The following CCDC7 variants were observed in gnomAD, a reference collection of about 807,000 sequenced individuals.
CCDC7 encodes coiled-coil domain containing 7.
Under a neutral mutation model 196.9 loss-of-function variants are expected in CCDC7, and 183 were observed. That is an observed-to-expected ratio of 0.93 (90% CI 0.82 to 1.05). CCDC7 has a LOEUF of 1.05. CCDC7 is among the 50% of genes least tolerant of loss of function. The pLI is 0.00. For synonymous variants in CCDC7, 525 were observed against 484.6 expected, an observed-to-expected ratio of 1.08 and a Z score of -1.10; for missense variants, 1,540 against 1,482.2, an observed-to-expected ratio of 1.04 and a Z score of -0.64.
chr10:32,593,056 A>G (rs1349011805), intron 18 of CCDC7, among the ~76,000 whole-genome samples: 1 of 152,204 alleles, frequency 6.6e-6, no homozygotes, highest in East Asian at 1.9e-4. Flanking sequence ...TCCTTTGGGT[A>G]TATACCCAGT....
chr10:32,676,943 C>G (rs1174527486), intron 21 of CCDC7, among the ~76,000 whole-genome samples: 3 of 152,224 alleles, frequency 2.0e-5, no homozygotes, highest in Middle Eastern at 3.4e-3. Flanking sequence ...CGGCACTATT[C>G]ACAATACAAA....
At chr10:32,531,709 A>G (rs989260120) in intron 11 of CCDC7, among the ~76,000 whole-genome samples, 1 of 152,112 alleles carries the variant, frequency 6.6e-6, no homozygotes, top group African/African-American at 2.4e-5. Context: ...GAGACTTTCT[A>G]TTACACCTTG....
intron 14 of CCDC7, among the ~76,000 whole-genome samples, chr10:32,566,885 C>A (rs574157639): frequency 1.4e-5 from 2 of 142,664 alleles, no homozygotes; most frequent in South Asian, 2.2e-4. Flanking sequence ...ATATATATAG[C>A]TAATATATAT....
chr10:32,666,737 G>A (rs1565042518), intron 21 of CCDC7, among the ~76,000 whole-genome samples: 2 of 152,048 alleles, frequency 1.3e-5, no homozygotes, highest in Non-Finnish European at 2.9e-5. Context: ...ATTATTCCAT[G>A]GTGTATATGT....
upstream of CCDC7, among the ~76,000 whole-genome samples, chr10:32,446,939 TTCCCTTCCTCCCTCCCTCCC>T (rs1305778772): frequency 1.2e-3 from 57 of 45,876 alleles, no homozygotes; most frequent in Middle Eastern, 0.011. Context: ...CCTTCCCCTC[TTCCCTTCCTCCCTCCCTCCC>T]TCCCTCCCTC....
chr10:32,711,785 C>T, intron 25 of CCDC7, 55 bp downstream of exon 26: 1 of 1,084,064 alleles, frequency 9.2e-7, no homozygotes, highest in Non-Finnish European at 1.3e-6. Flanking sequence ...CTCAAAAGAA[C>T]TTTTTTCTTT....
At chr10:32,669,682 A>T (rs898683244) in intron 21 of CCDC7, among the ~76,000 whole-genome samples, 1 of 152,062 alleles carries the variant, frequency 6.6e-6, no homozygotes, top group Non-Finnish European at 1.5e-5. Flanking sequence ...TATTCATAGT[A>T]GTCTCTCATG....
At chr10:32,771,494 G>A (rs974624136) in intron 28 of CCDC7, among the ~76,000 whole-genome samples, 4 of 152,174 alleles carry the variant, frequency 2.6e-5, no homozygotes, top group African/African-American at 9.7e-5. Flanking sequence ...TGAGAAATCT[G>A]CTGTTAGTCT....
chr10:32,659,494 A>G (rs2070756886), intron 20 of CCDC7, among the ~76,000 whole-genome samples: 1 of 152,244 alleles, frequency 6.6e-6, no homozygotes, highest in Non-Finnish European at 1.5e-5. Flanking sequence ...GTTCAGTTCT[A>G]GAACACCACA....
At position 32,780,109 on chromosome 10, in the gene CCDC7, C is replaced by A. The variant is rs117869453; in HGVS notation, c.3013+1025C>A. 8.8e-4 allele frequency among the ~76,000 whole-genome samples: 134 copies of A among 152,222 alleles called. 2 individuals are homozygous for A. In the East Asian group the frequency reaches 0.021, roughly 24 times the overall value. Reference sequence around the variant, plus strand: ...AAAATTAGACAGGCATGGTGGTACACGCCTATAGTCCCAGCTACTCAGGAG... The same window carrying A: ...AAAATTAGACAGGCATGGTGGTACAAGCCTATAGTCCCAGCTACTCAGGAG... On this transcript the variant is annotated intron_variant, in intron 29 of 41. Coordinates refer to ENST00000639629, the Ensembl canonical transcript of CCDC7.
At chr10:32,810,988 T>C (rs1360058933) in intron 30 of CCDC7, among the ~76,000 whole-genome samples, 1 of 151,934 alleles carries the variant, frequency 6.6e-6, no homozygotes, top group East Asian at 1.9e-4. Context: ...AAATGCAACA[T>C]ATCAAAACCT....
intron 8 of CCDC7, among the ~76,000 whole-genome samples, chr10:32,490,565 G>C (rs1480011736): frequency 6.6e-6 from 1 of 152,194 alleles, no homozygotes; most frequent in Non-Finnish European, 1.5e-5. Context: ...GGGAGGCCCA[G>C]ACGGGCTGAT....
chr10:32,800,544 TC>T (rs1472432577), intron 29 of CCDC7, among the ~76,000 whole-genome samples: 2 of 151,986 alleles, frequency 1.3e-5, no homozygotes, highest in African/African-American at 4.8e-5. Flanking sequence ...CATTTTTGAG[TC>T]CCCCGGAATC....
downstream of CCDC7, chr10:32,877,053 C>T (rs1032898589): frequency 6.6e-6 from 1 of 151,924 alleles, no homozygotes; most frequent in Non-Finnish European, 1.5e-5. Flanking sequence ...TAATATTAAT[C>T]TAAATATTCT....
chr10:32,517,464 G>A (rs969744003), intron 9 of CCDC7, among the ~76,000 whole-genome samples: 2 of 151,790 alleles, frequency 1.3e-5, no homozygotes, highest in African/African-American at 4.8e-5. Flanking sequence ...ATATTTCTAG[G>A]GAGAGTATTA....
chr10:32,500,065 A>G (rs2043651723), intron 9 of CCDC7, among the ~76,000 whole-genome samples: 1 of 152,132 alleles, frequency 6.6e-6, no homozygotes, highest in African/African-American at 2.4e-5. Context: ...CCCCTTTTCT[A>G]TTCAACAAAA....
At position 32,558,185 on chromosome 10, in the gene CCDC7, A is replaced by G. The variant is rs73253451; in HGVS notation, c.1135-7373A>G. Among the ~76,000 whole-genome samples, 823 of 152,192 alleles carry G rather than the reference A, an allele frequency of 5.4e-3. 15 individuals are homozygous for G. The highest frequency in any genetic ancestry group is 0.019 in the African/African-American group (796 of 41,512). On this transcript the variant is annotated intron_variant, in intron 13 of 41. Transcript: ENST00000639629. Reference sequence around the variant, plus strand: ...TTAGTTTCACTTTTCTGTTTCTTCAAATGTCAAGTATTTCTAAATTATATC... The same window carrying G: ...TTAGTTTCACTTTTCTGTTTCTTCAGATGTCAAGTATTTCTAAATTATATC...
At chr10:32,756,364 C>T (rs565157845) in intron 28 of CCDC7, among the ~76,000 whole-genome samples, 2 of 152,192 alleles carry the variant, frequency 1.3e-5, no homozygotes, top group African/African-American at 4.8e-5. Flanking sequence ...AGAGAAAGGT[C>T]GCGTTACCCA....
chr10:32,597,874 CAG>C (rs2060569777), intron 18 of CCDC7, among the ~76,000 whole-genome samples: 1 of 152,190 alleles, frequency 6.6e-6, no homozygotes, highest in South Asian at 2.1e-4. Flanking sequence ...AGCTTCGTCT[CAG>C]AGGGGCACCC....
Sources: allele counts gnomAD v4.1 joint callset (sites outside exome capture counted in the v4.1 genomes callset), GRCh38; gene constraint gnomAD v4.1.1; transcripts MANE v1.5; gene names NCBI Gene and HGNC (gene_info 2026-07-23, HGNC 2026-07-21).